Variants in GAB4 observed in about 807,000 individuals in gnomAD.
The protein encoded by GAB4 is GRB2 associated binding protein family member 4.
A neutral mutation model predicts 51.3 loss-of-function variants in GAB4; 26 were observed. The ratio of observed to expected loss-of-function variants is 0.51; its 90% confidence interval spans 0.37 to 0.70. The LOEUF is 0.70. Ranked by LOEUF, GAB4 falls within the 30% of genes least tolerant of loss-of-function variation. GAB4 has a pLI of 0.00. For missense variants in GAB4, 759 were observed against 734.6 expected, an observed-to-expected ratio of 1.03 and a Z score of -0.38; for synonymous variants, 329 against 291.2, an observed-to-expected ratio of 1.13 and a Z score of -1.32.
chr22:16,996,380 T>C (rs148412384), intron 1 of GAB4, among the ~76,000 whole-genome samples: 3 of 152,114 alleles, frequency 2.0e-5, no homozygotes, highest in African/African-American at 7.2e-5. Flanking sequence ...TTGGAAAACA[T>C]TCTTAAGGAT....
chr22:17,006,904 T>C (rs560528635), intron 1 of GAB4, among the ~76,000 whole-genome samples: 1 of 152,240 alleles, frequency 6.6e-6, no homozygotes, highest in Non-Finnish European at 1.5e-5. Context: ...ATACCTAATG[T>C]AGATGATGGG....
intron 3 of GAB4, among the ~76,000 whole-genome samples, chr22:16,972,725 C>G (rs1360357229): frequency 6.6e-6 from 1 of 152,104 alleles, no homozygotes; most frequent in Non-Finnish European, 1.5e-5. Flanking sequence ...GTGAGCCCAC[C>G]CTACTCATTT....
chr22:17,008,173 TG>T lies in GAB4; in HGVS notation c.-60del. The T allele has an allele frequency of 7.8e-7, 1 of 1,287,938 alleles. No homozygotes were observed. The highest frequency in any genetic ancestry group is 1.1e-6 in the Non-Finnish European group (1 of 915,468). 79.8% of individuals were successfully genotyped at this position (1,287,938 alleles called of 1,614,324 possible). On this transcript the variant is annotated 5_prime_UTR_variant, in exon 1 of 10. Transcript: ENST00000400588. Reference sequence around the variant, plus strand: ...CAGGGCGAGAGGGCGTTGCTGGAGGTGGGGTGTGAGGGACGGCTTGCGATAC... The same window carrying T: ...CAGGGCGAGAGGGCGTTGCTGGAGGTGGGTGTGAGGGACGGCTTGCGATAC...
At chr22:16,973,056 C>CCTCTGGCAA (rs1173265592) in intron 3 of GAB4, among the ~76,000 whole-genome samples, 1 of 152,164 alleles carries the variant, frequency 6.6e-6, no homozygotes, top group Non-Finnish European at 1.5e-5. Flanking sequence ...TTCTGAGGTC[C>CCTCTGGCAA]CTCTGGCAAG....
intron 4 of GAB4, chr22:16,969,476 G>C: frequency 2.2e-6 from 1 of 461,220 alleles, no homozygotes; most frequent in South Asian, 6.9e-5. Flanking sequence ...GTCCAGGCAG[G>C]AGATGAACTT....
At chr22:16,982,535 A>G (rs1391560666) in intron 3 of GAB4, among the ~76,000 whole-genome samples, 3 of 152,224 alleles carry the variant, frequency 2.0e-5, no homozygotes, top group Non-Finnish European at 4.4e-5. Flanking sequence ...AAATGGAACA[A>G]TATCACATGA....
intron 8 of GAB4, among the ~76,000 whole-genome samples, chr22:16,964,186 C>T (rs186095281): frequency 1.1e-4 from 16 of 152,140 alleles, no homozygotes; most frequent in African/African-American, 3.9e-4. Context: ...CCAGGAGACA[C>T]GCAGGGTCCC....
intron 8 of GAB4, 138 bp from the exon 9 acceptor site, chr22:16,963,967 C>G (rs1187558964): frequency 1.4e-5 from 9 of 654,364 alleles, no homozygotes; most frequent in Non-Finnish European, 2.2e-5. Flanking sequence ...TCTGCTCATT[C>G]AAACCCTTTC....
intron 1 of GAB4, among the ~76,000 whole-genome samples, chr22:17,006,805 AATGAGAACAT>A (rs1290139323): frequency 1.3e-5 from 2 of 152,160 alleles, no homozygotes; most frequent in Non-Finnish European, 2.9e-5. Context: ...GCAGCTGAAC[AATGAGAACAT>A]ATGGGCACAG....
At chr22:16,965,953 T>A (rs756472153) in intron 6 of GAB4, 147 bp downstream of exon 6, 14 of 746,914 alleles carry the variant, frequency 1.9e-5, no homozygotes, top group African/African-American at 3.5e-5. Context: ...GGAGTTACTA[T>A]CTCCATTTCA....
At chr22:17,000,637 C>T (rs1035352762) in intron 1 of GAB4, among the ~76,000 whole-genome samples, 22 of 151,932 alleles carry the variant, frequency 1.4e-4, no homozygotes, top group South Asian at 2.1e-4. Context: ...AGCCCATTTA[C>T]GTTTAAGGTT....
intron 1 of GAB4, among the ~76,000 whole-genome samples, chr22:17,007,468 G>A (rs1268660125): frequency 1.3e-5 from 2 of 152,014 alleles, no homozygotes; most frequent in East Asian, 1.9e-4. Context: ...GGGCCCGGGA[G>A]GGAAAGGGAG....
Position 16,988,059 on chromosome 22 carries a change from G to T in GAB4, c.587C>A (p.Pro196His). ...GGGCGGCACACAGTGAGACACCGGG[G>T]GCTCAGATGTGGGTTCTTGTTCTTG... The part of the protein sequence containing the change: ...LPQEQEPTSE[P>H]PVSHCVPPTW... The change falls in exon 3 of 10, where the codon CCC (proline) becomes CAC (histidine). Residue 196 changes from proline to histidine, a missense_variant. By Grantham distance (77) the Pro-to-His change is moderately conservative. This residue lies in a region of GAB4 where 588 missense variants were observed against 510.2 expected (regional missense o/e 1.15). Transcript: ENST00000400588. The T allele has an allele frequency of 6.2e-7, 1 of 1,608,074 alleles. No homozygotes were observed. The highest frequency in any genetic ancestry group is 8.5e-7 in the Non-Finnish European group (1 of 1,177,358).
intron 8 of GAB4, 80 bp downstream of exon 8, chr22:16,964,686 G>C: frequency 1.0e-6 from 1 of 996,118 alleles, no homozygotes; most frequent in Non-Finnish European, 1.5e-6. Flanking sequence ...AGCTGAGGTA[G>C]CTAAGCTGGG....
chr22:16,987,811 C>CA, intron 3 of GAB4, 149 bp downstream of exon 3: 5 of 608,144 alleles, frequency 8.2e-6, no homozygotes, highest in Middle Eastern at 4.4e-4. Flanking sequence ...GCTACATAAA[C>CA]AAAAAATTAA....
chr22:16,990,434 G>C (rs1247858388), intron 2 of GAB4, among the ~76,000 whole-genome samples: 1 of 152,086 alleles, frequency 6.6e-6, no homozygotes, highest in African/African-American at 2.4e-5. Flanking sequence ...GTATAGTAAG[G>C]AACTACTCCC....
At chr22:16,981,492 T>C (rs1398480818) in intron 3 of GAB4, among the ~76,000 whole-genome samples, 2 of 152,110 alleles carry the variant, frequency 1.3e-5, no homozygotes, top group Non-Finnish European at 2.9e-5. Flanking sequence ...GAGACTATTA[T>C]GAGCAACAAT....
chr22:16,963,848 A>G lies in GAB4; in HGVS notation c.1477-19T>C. 6.3e-7 allele frequency: 1 copy of G among 1,592,778 alleles called. No individual in the cohort carries two copies. On this transcript the variant is annotated intron_variant, in intron 8 of 9. Transcript: ENST00000400588. Reference sequence around the variant, plus strand: ...CCGGGTTCTGCTGTCACAAGGAGGAAAATCCTGCAAATGAGTTCAGGACAC... The same window carrying G: ...CCGGGTTCTGCTGTCACAAGGAGGAGAATCCTGCAAATGAGTTCAGGACAC...
At position 16,966,136 on chromosome 22, in the gene GAB4, G is replaced by A. The variant is rs1268188339; in HGVS notation, c.1252C>T (p.Pro418Ser). The change falls in exon 6 of 10, where the codon CCC becomes TCC. Residue 418 changes from proline to serine, a missense_variant. Physicochemically the swap from Pro to Ser is moderately conservative, Grantham distance 74. Transcript: ENST00000400588. ...DLSQGHEVQL[P>S]PVNRSLKPNQ... ...GGCTTGAGGCTGCGGTTGACAGGGG[G>A]CAGCTGGACCTCATGTCCCTGGCTG... 6.2e-7 allele frequency: 1 copy of A among 1,614,064 alleles called. No homozygotes were observed. The highest frequency in any genetic ancestry group is 1.1e-5 in the South Asian group (1 of 91,072).
Sources: gnomAD v4.1 joint callset for allele counts (sites outside exome capture counted in the v4.1 genomes callset) on GRCh38, gnomAD v4.1.1 for gene constraint, gnomAD v4.1.1 regional missense constraint, MANE v1.5 for transcripts, NCBI Gene and HGNC (gene_info 2026-07-23, HGNC 2026-07-21) for gene names.